The following LPIN3 variants were observed in gnomAD, a reference collection of about 807,000 sequenced individuals.
LPIN3 encodes phosphatidate phosphatase LPIN3.
LPIN3 carries 82 observed loss-of-function variants against 94.7 expected under a neutral mutation model. That is an observed-to-expected ratio of 0.87 (90% CI 0.72 to 1.04). LPIN3 has a LOEUF of 1.04. Among genes scored for constraint, LPIN3 ranks in the 50% least tolerant of loss-of-function variants. The pLI is 0.00. For missense variants in LPIN3, 996 were observed against 1,090.5 expected, an observed-to-expected ratio of 0.91 and a Z score of 1.22; for synonymous variants, 418 against 443.3, an observed-to-expected ratio of 0.94 and a Z score of 0.72.
rs2146990104 is a variant in LPIN3 at position 41,354,697 on chromosome 20, G to C, written c.1580G>C (p.Trp527Ser). 2 of 1,607,394 alleles carry C rather than the reference G, an allele frequency of 1.2e-6. No homozygotes were observed. Among genetic ancestry groups the C allele is most frequent in the East Asian group, 4.5e-5 (2 of 44,744 alleles). ...AAGATGCCCCGGAAGGGTGGGCGAT[G>C]GTGGTTTTCCTGGCGACGCAGGGAC... is the stretch of plus-strand genomic sequence containing the variant. ...REKMPRKGGR[W>S]WFSWRRRDFL... Residue 527 changes from tryptophan to serine, a missense_variant, in exon 12 of 20, where the codon TGG (tryptophan) becomes TCG (serine). Physicochemically the swap from Trp to Ser is radical, Grantham distance 177. Coordinates refer to ENST00000373257, the MANE Select transcript of LPIN3 (RefSeq NM_022896.3).
intron 1 of LPIN3, among the ~76,000 whole-genome samples, chr20:41,342,665 TGTG>T (rs2045625757): frequency 7.1e-6 from 1 of 140,884 alleles, no homozygotes; most frequent in African/African-American, 2.7e-5. Flanking sequence ...AGCAGGCAGA[TGTG>T]GGGGGGCTCA....
At chr20:41,348,564 G>A (rs942360097) in intron 3 of LPIN3, 55 bp from the exon 4 acceptor site, 8 of 1,546,574 alleles carry the variant, frequency 5.2e-6, no homozygotes, top group Non-Finnish European at 7.0e-6. Flanking sequence ...ACTGTGTGGT[G>A]AGCGCAGCCC....
Position 41,356,039 on chromosome 20 carries a change from G to T in LPIN3, c.1803+5G>T. 1 of 1,612,934 alleles carries T rather than the reference G, an allele frequency of 6.2e-7. No homozygotes were observed. Among genetic ancestry groups the T allele is most frequent in the Non-Finnish European group, 8.5e-7 (1 of 1,179,086 alleles). On this transcript the variant is annotated splice_donor_5th_base_variant and intron_variant, in intron 14 of 19. Transcript: ENST00000373257. ...CGCCTCTCCTCCGATCAGATCGTAA[G>T]TGTGGGTTGTCTGTGTGGAGGTTGG...
At chr20:41,341,509 G>C (rs560794463) in intron 1 of LPIN3, among the ~76,000 whole-genome samples, 1 of 152,298 alleles carries the variant, frequency 6.6e-6, no homozygotes, top group Non-Finnish European at 1.5e-5. Context: ...TGGGAGCCCC[G>C]AGGGCTGAGA....
rs544350479 is a variant in LPIN3 at position 41,350,337 on chromosome 20, T to G, written c.1042T>G (p.Trp348Gly). 1 of 1,606,916 alleles carries G rather than the reference T, an allele frequency of 6.2e-7. No homozygotes were observed. The highest frequency in any genetic ancestry group is 2.2e-5 in the East Asian group (1 of 44,710). The part of the protein sequence containing the change: ...GLPPASKSWS[W>G]ATLEVPVPTG... ...CCCTCCTGCCTCCAAGTCATGGAGC[T>G]GGGCCACTCTGGAGGTTCCAGTTCC... The change falls in exon 7 of 20, where the codon TGG (tryptophan) becomes GGG (glycine). Residue 348 changes from tryptophan to glycine, a missense_variant. Coordinates refer to ENST00000373257, the MANE Select transcript of LPIN3 (RefSeq NM_022896.3).
At position 41,358,562 on chromosome 20, in the gene LPIN3, T is replaced by C. The variant is rs1430455735; in HGVS notation, c.2411+20T>C. On this transcript the variant is annotated intron_variant, in intron 19 of 19. Coordinates refer to ENST00000373257, the MANE Select transcript of LPIN3 (RefSeq NM_022896.3). ...ATCCACGTGAGGCTAAACCCTGCCA[T>C]GTTCCCCATGCCCTACCACGTCCCC... 6.2e-7 allele frequency: 1 copy of C among 1,612,850 alleles called. No homozygotes were observed. The highest frequency in any genetic ancestry group is 8.5e-7 in the Non-Finnish European group (1 of 1,179,164).
At chr20:41,352,252 G>C (rs1317329595) in intron 9 of LPIN3, 32 bp downstream of exon 9, 2 of 1,612,268 alleles carry the variant, frequency 1.2e-6, no homozygotes, top group Non-Finnish European at 1.7e-6. Context: ...CCCTTTTGAG[G>C]GCTGGTGCTG....
At chr20:41,344,102 A>G (rs1240215023) in intron 1 of LPIN3, among the ~76,000 whole-genome samples, 1 of 152,058 alleles carries the variant, frequency 6.6e-6, no homozygotes, top group East Asian at 1.9e-4. Flanking sequence ...AAATATGCAG[A>G]TGCTGATTCA....
chr20:41,356,016 C>T lies in LPIN3; in HGVS notation c.1785C>T (p.Arg595=), dbSNP rs765004629. 38 of 1,614,126 alleles carry T rather than the reference C, an allele frequency of 2.4e-5. No homozygotes were observed. Among genetic ancestry groups the T allele is most frequent in the Non-Finnish European group, 3.1e-5 (37 of 1,179,978 alleles). ...PSTPTYKKSL[R]LSSDQIRRLN... ...CTCCTACCTACAAGAAGTCCCTCCG[C>T]CTCTCCTCCGATCAGATCGTAAGTG... The change falls in exon 14 of 20, where the codon CGC becomes CGT. Residue 595 remains arginine (R), a synonymous_variant. Transcript: ENST00000373257.
Position 41,348,623 on chromosome 20 carries a change from A to G in LPIN3, c.293A>G (p.His98Arg), listed in dbSNP as rs765968571. 6.2e-7 allele frequency: 1 copy of G among 1,606,280 alleles called. No homozygotes were observed. The highest frequency in any genetic ancestry group is 8.5e-7 in the Non-Finnish European group (1 of 1,175,052). Residue 98 changes from histidine to arginine, a missense_variant, in exon 4 of 20, where the codon CAT becomes CGT. His to Arg is a conservative substitution (Grantham distance 29). Coordinates refer to ENST00000373257, the MANE Select transcript of LPIN3 (RefSeq NM_022896.3). ...FVQELESDDEHVPPGLCTSPI... is the reference protein window; with the variant it reads ...FVQELESDDERVPPGLCTSPI... The stretch of plus-strand genomic sequence containing the variant: ...AGTTCTTGGTCTGTTCCACAGGAAC[A>G]TGTGCCTCCCGGCCTGTGCACCTCA...
At chr20:41,357,760 C>A in intron 16 of LPIN3, 122 bp from the exon 17 acceptor site, 1 of 1,328,956 alleles carries the variant, frequency 7.5e-7, no homozygotes, top group Non-Finnish European at 1.0e-6. Context: ...CTTCAAGTCC[C>A]CTCCCTGCAA....
intron 7 of LPIN3, 57 bp downstream of exon 7, chr20:41,350,454 G>A: frequency 7.2e-7 from 1 of 1,382,764 alleles, no homozygotes; most frequent in Non-Finnish European, 9.7e-7. Context: ...TCCCCTGGGT[G>A]GGTGCTGGGA....
Position 41,358,728 on chromosome 20 carries a change from G to A in LPIN3, c.2418G>A (p.Glu806=). Residue 806 remains glutamate (E), a synonymous_variant, in exon 20 of 20, where the codon GAG becomes GAA. Coordinates refer to ENST00000373257, the MANE Select transcript of LPIN3 (RefSeq NM_022896.3). Reference sequence around the variant, plus strand: ...GGCCCCCTTCTGCCTGTAGGTATGAGCGGCTTGGTGAAGTGGTCGAGCTCC... The same window carrying A: ...GGCCCCCTTCTGCCTGTAGGTATGAACGGCTTGGTGAAGTGGTCGAGCTCC... ...ELIKNHKSTY[E]RLGEVVELLF... 1 of 1,614,054 alleles carries A rather than the reference G, an allele frequency of 6.2e-7. No homozygotes were observed. The highest frequency in any genetic ancestry group is 8.5e-7 in the Non-Finnish European group (1 of 1,179,974).
rs2146991590 is a variant in LPIN3 at position 41,354,855 on chromosome 20, G to A, written c.1656G>A (p.Glu552=). Residue 552 remains glutamate (E), a synonymous_variant, in exon 13 of 20, where the codon GAG becomes GAA. Coordinates refer to ENST00000373257, the MANE Select transcript of LPIN3 (RefSeq NM_022896.3). ...AGAAGGAGAAGACTGCAGCCAAGGA[G>A]CAGCAGGGGTGAGTGAGACCCCCTA... ...SAQKEKTAAK[E]QQGEKTEVLS... is the part of the protein sequence containing the mutation. The A allele has an allele frequency of 1.3e-6, 2 of 1,568,224 alleles. No individual in the cohort carries two copies. The highest frequency in any genetic ancestry group is 1.2e-5 in the South Asian group (1 of 86,284).
At chr20:41,351,012 G>A (rs1410210122) in intron 7 of LPIN3, among the ~76,000 whole-genome samples, 1 of 152,052 alleles carries the variant, frequency 6.6e-6, no homozygotes, top group Admixed American at 6.5e-5. Flanking sequence ...TTGGAAGGCT[G>A]AGGTGGGAAG....
At chr20:41,357,734 A>G in intron 16 of LPIN3, 148 bp from the exon 17 acceptor site, 1 of 1,081,832 alleles carries the variant, frequency 9.2e-7, no homozygotes. Context: ...AGCTGAGTCC[A>G]CTGCCTGGCC....
chr20:41,349,852 A>G lies in LPIN3; in HGVS notation c.717A>G (p.Arg239=). ...EVRTPEPSPL[R]AESHMQWAWG... ...GGACCCCGGAGCCCAGTCCCCTAAG[A>G]GCCGAGTCCCACATGCAGTGGGCCT... is the stretch of plus-strand genomic sequence containing the variant. The change falls in exon 6 of 20, where the codon AGA becomes AGG. Residue 239 remains arginine (R), a synonymous_variant. Coordinates refer to ENST00000373257, the MANE Select transcript of LPIN3 (RefSeq NM_022896.3). 1 of 1,613,540 alleles carries G rather than the reference A, an allele frequency of 6.2e-7. No individual in the cohort carries two copies. Among genetic ancestry groups the G allele is most frequent in the Non-Finnish European group, 8.5e-7 (1 of 1,180,010 alleles).
rs779438805 is a variant in LPIN3 at position 41,345,872 on chromosome 20, C to G, written c.69C>G (p.Asn23Lys). 1 of 1,614,218 alleles carries G rather than the reference C, an allele frequency of 6.2e-7. No individual in the cohort carries two copies. Among genetic ancestry groups the G allele is most frequent in the South Asian group, 1.1e-5 (1 of 91,088 alleles). The change falls in exon 2 of 20, where the codon AAC becomes AAG. Residue 23 changes from asparagine (N) to lysine (K), a missense_variant. By Grantham distance (94) the Asn-to-Lys change is moderately conservative. Transcript: ENST00000373257. ...TGAAGGAGCTGTACCGGGGCCTGAA[C>G]CCAGCCACACTGAGCGGCGGCATTG... ...GTVKELYRGL[N>K]PATLSGGIDV...
At position 41,350,105 on chromosome 20, in the gene LPIN3, T is replaced by G; in HGVS notation, c.810T>G (p.Ala270=). 6.2e-7 allele frequency: 1 copy of G among 1,610,910 alleles called. No homozygotes were observed. Among genetic ancestry groups the G allele is most frequent in the South Asian group, 1.1e-5 (1 of 90,468 alleles). ...CCTCAGTGGTCCTTGAAGGCAGAGC[T>G]GGGGCAACCTCTCCTCCTCGGGGAG... ...PESSVVLEGR[A]GATSPPRGGP... The change falls in exon 7 of 20, where the codon GCT becomes GCG. Residue 270 remains alanine, a synonymous_variant. Transcript: ENST00000373257.
Sources: gnomAD v4.1 joint callset for allele counts (sites outside exome capture counted in the v4.1 genomes callset) on GRCh38, gnomAD v4.1.1 for gene constraint, MANE v1.5 for transcripts, NCBI Gene and HGNC (gene_info 2026-07-23, HGNC 2026-07-21) for gene names.